Variants in TRIM33 observed in about 807,000 individuals in gnomAD.
TRIM33 encodes tripartite motif containing 33.
TRIM33 carries 20 observed loss-of-function variants against 125.4 expected under a neutral mutation model. That is an observed-to-expected ratio of 0.16 (90% CI 0.11 to 0.23). TRIM33 has a LOEUF of 0.23. Ranked by LOEUF, TRIM33 falls within the 10% of genes least tolerant of loss-of-function variation. The pLI, the probability that TRIM33 is intolerant of heterozygous loss-of-function variation, is 1.00. For missense variants in TRIM33, 920 were observed against 1,411.4 expected, an observed-to-expected ratio of 0.65 and a Z score of 5.58; for synonymous variants, 564 against 513.9, an observed-to-expected ratio of 1.10 and a Z score of -1.32.
intron 18 of TRIM33, among the ~76,000 whole-genome samples, chr1:114,398,566 A>T (rs1651678291): frequency 6.6e-6 from 1 of 152,140 alleles, no homozygotes; most frequent in South Asian, 2.1e-4. Context: ...GGTGACTTAG[A>T]ATTTTCACCT....
intron 11 of TRIM33, among the ~76,000 whole-genome samples, chr1:114,416,968 T>C (rs1175102502): frequency 1.3e-5 from 2 of 152,200 alleles, no homozygotes; most frequent in Non-Finnish European, 2.9e-5. Context: ...GCATTATTCC[T>C]GACAGCCAGA....
chr1:114,433,498 AT>A lies in TRIM33; in HGVS notation c.1040+118del, dbSNP rs1370214749. The A allele has an allele frequency of 5.0e-6, 3 of 598,252 alleles. No individual in the cohort carries two copies. The East Asian group carries it at 8.2e-5, about 16-fold the overall frequency. 37.1% of individuals were successfully genotyped at this position (598,252 alleles called of 1,614,324 possible). A position where few individuals can be genotyped will look rare whatever the true frequency, so the allele number is the denominator to read the frequency against. On this transcript the variant is annotated intron_variant, in intron 5 of 19. Coordinates refer to ENST00000358465, the MANE Select transcript of TRIM33 (RefSeq NM_015906.4). Reference sequence around the variant, plus strand: ...AATATTATAATCCCAAATTCATACCATTTCCCCCTCAAAAAAATGTTTTCTT... The same window carrying A: ...AATATTATAATCCCAAATTCATACCATTCCCCCTCAAAAAAATGTTTTCTT...
At chr1:114,479,996 G>A (rs1200735138) in intron 1 of TRIM33, among the ~76,000 whole-genome samples, 4 of 152,214 alleles carry the variant, frequency 2.6e-5, no homozygotes, top group Admixed American at 1.3e-4. Flanking sequence ...ACAGCTCATT[G>A]AGAACAGGCC....
At chr1:114,471,697 A>T (rs1367388545) in intron 1 of TRIM33, among the ~76,000 whole-genome samples, 2 of 152,132 alleles carry the variant, frequency 1.3e-5, no homozygotes, top group African/African-American at 2.4e-5. Context: ...ACCTAAGTAA[A>T]AGTTAAAAAA....
chr1:114,461,305 T>TTATATA, intron 4 of TRIM33, among the ~76,000 whole-genome samples: 2 of 144,124 alleles, frequency 1.4e-5, no homozygotes, highest in Non-Finnish European at 3.0e-5. Context: ...TATATTATAT[T>TTATATA]TTATATTTTA....
At chr1:114,487,784 C>A (rs1334120172) in intron 1 of TRIM33, among the ~76,000 whole-genome samples, 1 of 150,528 alleles carries the variant, frequency 6.6e-6, no homozygotes, top group Non-Finnish European at 1.5e-5. Context: ...GTAGTCCCAG[C>A]TACTCGGGAG....
At chr1:114,481,169 T>C (rs897535490) in intron 1 of TRIM33, among the ~76,000 whole-genome samples, 8 of 151,270 alleles carry the variant, frequency 5.3e-5, no homozygotes, top group Non-Finnish European at 1.0e-4. Flanking sequence ...TAAGACTCTG[T>C]CTCCAAAAAA....
chr1:114,468,870 GA>G (rs1442370997), intron 1 of TRIM33: 2 of 243,292 alleles, frequency 8.2e-6, no homozygotes, highest in Non-Finnish European at 8.3e-6. Flanking sequence ...CATCACGAGG[GA>G]AAAGAATCCA....
chr1:114,465,517 C>G (rs1450615316), intron 1 of TRIM33, among the ~76,000 whole-genome samples: 1 of 152,132 alleles, frequency 6.6e-6, no homozygotes, highest in Non-Finnish European at 1.5e-5. Flanking sequence ...TAAAACTTAT[C>G]ACTCTAAAAG....
intron 4 of TRIM33, among the ~76,000 whole-genome samples, chr1:114,444,599 A>C (rs1648862837): frequency 6.6e-6 from 1 of 152,230 alleles, no homozygotes; most frequent in East Asian, 1.9e-4. Context: ...GGTACCACCA[A>C]CTTAGAAAGG....
chr1:114,424,784 T>C (rs752253571), intron 9 of TRIM33, 29 bp from the exon 10 acceptor site: 5 of 1,373,530 alleles, frequency 3.6e-6, no homozygotes, highest in Non-Finnish European at 4.8e-6. Context: ...GCAATTTATG[T>C]AATAATTTTA....
chr1:114,421,523 G>C lies in TRIM33; in HGVS notation c.1974C>G (p.Thr658=). ...ATMANANRGP[T]SPSVTAIELI... The stretch of plus-strand genomic sequence containing the variant: ...GCTCTATTGCTGTAACAGATGGGCT[G>C]GTGGGACCTCGGTTTGCATTTGCCA... Residue 658 remains threonine (T), a synonymous_variant, in exon 11 of 20, where the codon ACC becomes ACG. Coordinates refer to ENST00000358465, the MANE Select transcript of TRIM33 (RefSeq NM_015906.4). 1 of 1,614,118 alleles carries C rather than the reference G, an allele frequency of 6.2e-7. No individual in the cohort carries two copies. Among genetic ancestry groups the C allele is most frequent in the Non-Finnish European group, 8.5e-7 (1 of 1,180,024 alleles).
At chr1:114,406,210 AT>A (rs796506122) in intron 14 of TRIM33, among the ~76,000 whole-genome samples, 16 of 152,010 alleles carry the variant, frequency 1.1e-4, no homozygotes, top group African/African-American at 3.6e-4. Flanking sequence ...CTTGGCACCC[AT>A]TTTTTTTATG....
chr1:114,405,376 A>G (rs777358861), intron 15 of TRIM33, 34 bp downstream of exon 15: 7 of 1,514,982 alleles, frequency 4.6e-6, no homozygotes, highest in Non-Finnish European at 6.3e-6. Context: ...AGCTTATGAA[A>G]ATCAACACCA....
At chr1:114,399,331 T>C in intron 18 of TRIM33, 126 bp downstream of exon 18, 3 of 758,260 alleles carry the variant, frequency 4.0e-6, no homozygotes, top group Non-Finnish European at 6.1e-6. Flanking sequence ...TACAATCAGA[T>C]GTTACTTTTG....
At chr1:114,466,178 T>C (rs535097910) in intron 1 of TRIM33, among the ~76,000 whole-genome samples, 1 of 152,258 alleles carries the variant, frequency 6.6e-6, no homozygotes, top group South Asian at 2.1e-4. Flanking sequence ...AAAGCATGAC[T>C]TAAAAACCTC....
At chr1:114,488,433 T>G (rs955724721) in intron 1 of TRIM33, among the ~76,000 whole-genome samples, 2 of 152,116 alleles carry the variant, frequency 1.3e-5, no homozygotes, top group African/African-American at 4.8e-5. Flanking sequence ...TATCTATTAA[T>G]ACAAGAAGCT....
chr1:114,421,349 AT>A lies in TRIM33; in HGVS notation c.2061+86del, dbSNP rs568860090. The stretch of plus-strand genomic sequence containing the variant: ...AATTTCAAGGAAATGTTGATCCTGA[AT>A]TAAAAAAAAAAAACTCTGAAATAAA... On this transcript the variant is annotated intron_variant, in intron 11 of 19. Transcript: ENST00000358465. 356 of 1,253,130 alleles carry A rather than the reference AT, an allele frequency of 2.8e-4. 4 individuals are homozygous for A. The African/African-American group carries it at 5.1e-3, about 18-fold the overall frequency. The allele number at this position is 1,253,130 out of a possible 1,614,324, so 77.6% of individuals were successfully genotyped here. A position where few individuals can be genotyped will look rare whatever the true frequency, so the allele number is the denominator to read the frequency against.
intron 1 of TRIM33, among the ~76,000 whole-genome samples, chr1:114,465,516 T>G (rs1282830536): frequency 1.3e-5 from 2 of 152,296 alleles, no homozygotes; most frequent in African/African-American, 4.8e-5. Flanking sequence ...ATAAAACTTA[T>G]CACTCTAAAA....
Sources: allele counts gnomAD v4.1 joint callset (sites outside exome capture counted in the v4.1 genomes callset), GRCh38; gene constraint gnomAD v4.1.1; transcripts MANE v1.5; gene names NCBI Gene and HGNC (gene_info 2026-07-23, HGNC 2026-07-21).